Variants in KALRN observed in about 807,000 individuals in gnomAD.
KALRN encodes the protein kalirin RhoGEF kinase, also known as kalirin.
KALRN carries 70 observed loss-of-function variants against 353.7 expected under a neutral mutation model. That is an observed-to-expected ratio of 0.20 (90% CI 0.16 to 0.24). The LOEUF (loss-of-function observed/expected upper bound fraction) is 0.24, where lower values mean the gene tolerates loss of function less well. Ranked by LOEUF, KALRN falls within the 10% of genes least tolerant of loss-of-function variation. The probability of loss-of-function intolerance (pLI) is 1.00; values close to 1 mark genes in which losing one functional copy is unlikely to be tolerated. For synonymous variants in KALRN, 1,391 were observed against 1,434.8 expected, an observed-to-expected ratio of 0.97 and a Z score of 0.69; for missense variants, 2,791 against 3,756.7, an observed-to-expected ratio of 0.74 and a Z score of 6.72.
At chr3:124,605,546 C>T (rs1578288757) in intron 34 of KALRN, among the ~76,000 whole-genome samples, 1 of 147,830 alleles carries the variant, frequency 6.8e-6, no homozygotes, top group African/African-American at 2.5e-5. Flanking sequence ...GCACTCCAGC[C>T]TGGGCGAAGA....
intron 1 of KALRN, among the ~76,000 whole-genome samples, chr3:124,188,270 TA>T: frequency 6.6e-6 from 1 of 152,276 alleles, no homozygotes; most frequent in Non-Finnish European, 1.5e-5. Context: ...CTGCATGTTT[TA>T]AAAGGTCCTC....
At chr3:124,413,858 C>A (rs1331190714) in intron 14 of KALRN, among the ~76,000 whole-genome samples, 193 bp downstream of exon 14, 1 of 152,144 alleles carries the variant, frequency 6.6e-6, no homozygotes, top group Non-Finnish European at 1.5e-5. Context: ...GTAATCCCAG[C>A]ATTTTGGAAG....
intron 1 of KALRN, among the ~76,000 whole-genome samples, chr3:124,206,875 G>T (rs1378777950): frequency 6.6e-6 from 1 of 152,184 alleles, no homozygotes; most frequent in Non-Finnish European, 1.5e-5. Context: ...TGTCTAAAAT[G>T]CCTCAGACAG....
intron 34 of KALRN, among the ~76,000 whole-genome samples, chr3:124,618,049 G>A (rs1392429893): frequency 6.8e-6 from 1 of 146,426 alleles, no homozygotes; most frequent in African/African-American, 2.5e-5. Context: ...CTATCTGAGT[G>A]CCAGTGGGAA....
At chr3:124,543,053 C>CCT (rs2069213096) in intron 33 of KALRN, among the ~76,000 whole-genome samples, 1 of 152,126 alleles carries the variant, frequency 6.6e-6, no homozygotes, top group Admixed American at 6.5e-5. Flanking sequence ...ACCTTGCGGA[C>CCT]CTCTCTCTAG....
chr3:124,304,098 G>C (rs1050397589), intron 6 of KALRN, among the ~76,000 whole-genome samples: 2 of 146,412 alleles, frequency 1.4e-5, no homozygotes, highest in Non-Finnish European at 3.0e-5. Flanking sequence ...GCATTTTTTA[G>C]AATGTCAGAA....
At chr3:124,468,340 A>T (rs974786677) in intron 25 of KALRN, among the ~76,000 whole-genome samples, 1 of 152,088 alleles carries the variant, frequency 6.6e-6, no homozygotes, top group Non-Finnish European at 1.5e-5. Flanking sequence ...CCCTTGAAAC[A>T]CAAGGGGGGG....
At chr3:124,066,359 G>A (rs2042363292) in intron 1 of KALRN, among the ~76,000 whole-genome samples, 1 of 152,214 alleles carries the variant, frequency 6.6e-6, no homozygotes, top group South Asian at 2.1e-4. Flanking sequence ...GATTTTCAGA[G>A]TGAATCAATT....
At chr3:124,659,221 G>C (rs1311779269) in intron 42 of KALRN, 144 bp from the exon 43 acceptor site, 2 of 672,170 alleles carry the variant, frequency 3.0e-6, no homozygotes, top group African/African-American at 3.6e-5. Flanking sequence ...AGTCCTCTAG[G>C]CAATTTTACC....
At chr3:124,666,092 C>A (rs540282826) in intron 45 of KALRN, among the ~76,000 whole-genome samples, 1 of 152,224 alleles carries the variant, frequency 6.6e-6, no homozygotes, top group African/African-American at 2.4e-5. Flanking sequence ...ACTTGCAGCT[C>A]CAAGTGTCAC....
chr3:124,527,715 A>G (rs2067712595), intron 33 of KALRN, among the ~76,000 whole-genome samples: 1 of 152,142 alleles, frequency 6.6e-6, no homozygotes, highest in Non-Finnish European at 1.5e-5. Flanking sequence ...CCTCCACTGA[A>G]GCGAAGAGGG....
chr3:124,598,455 G>A (rs1351553920), intron 34 of KALRN, among the ~76,000 whole-genome samples: 1 of 152,142 alleles, frequency 6.6e-6, no homozygotes, highest in African/African-American at 2.4e-5. Context: ...TGAGGCCAGT[G>A]GCTGCCAGAG....
At chr3:124,217,732 G>A (rs1178203058) in intron 1 of KALRN, among the ~76,000 whole-genome samples, 2 of 152,124 alleles carry the variant, frequency 1.3e-5, no homozygotes, top group African/African-American at 4.8e-5. Flanking sequence ...CAAGGACAGC[G>A]GCATACATGT....
intron 6 of KALRN, among the ~76,000 whole-genome samples, chr3:124,323,359 T>C (rs1356809575): frequency 6.6e-6 from 1 of 152,156 alleles, no homozygotes; most frequent in African/African-American, 2.4e-5. Context: ...AAATTACCGT[T>C]ATTTGAGGAC....
intron 1 of KALRN, among the ~76,000 whole-genome samples, chr3:124,049,479 G>C (rs1206600362): frequency 1.3e-5 from 2 of 152,172 alleles, no homozygotes; most frequent in East Asian, 3.8e-4. Flanking sequence ...AAAGTGAGAT[G>C]ATAGAAAGAA....
intron 10 of KALRN, among the ~76,000 whole-genome samples, chr3:124,378,259 T>C (rs1347229965): frequency 2.0e-5 from 3 of 152,080 alleles, no homozygotes; most frequent in Non-Finnish European, 4.4e-5. Flanking sequence ...TTATCACAGT[T>C]TACCTTCAAG....
chr3:124,672,544 A>G (rs2086594439), intron 48 of KALRN, among the ~76,000 whole-genome samples: 1 of 152,164 alleles, frequency 6.6e-6, no homozygotes, highest in African/African-American at 2.4e-5. Flanking sequence ...TTCACCATCT[A>G]TTGGCTGATG....
intron 1 of KALRN, among the ~76,000 whole-genome samples, chr3:124,149,736 A>G (rs1406962215): frequency 6.6e-6 from 1 of 152,232 alleles, no homozygotes; most frequent in East Asian, 1.9e-4. Context: ...TTCAGATGCT[A>G]TTGGTATCTA....
chr3:124,191,873 G>C (rs2074954798), intron 1 of KALRN, among the ~76,000 whole-genome samples: 1 of 152,200 alleles, frequency 6.6e-6, no homozygotes. Context: ...AGCCAATCTA[G>C]ATCCAAGGGA....
Sources: allele counts gnomAD v4.1 joint callset (sites outside exome capture counted in the v4.1 genomes callset), GRCh38; gene constraint gnomAD v4.1.1; transcripts MANE v1.5; gene names NCBI Gene and HGNC (gene_info 2026-07-23, HGNC 2026-07-21).